Variants in GTF2A1 observed in about 807,000 individuals in gnomAD.
GTF2A1 encodes the protein transcription initiation factor IIA subunit 1.
Under a neutral mutation model 54.1 loss-of-function variants are expected in GTF2A1, and 12 were observed. The ratio of observed to expected loss-of-function variants is 0.22; its 90% CI spans 0.14 to 0.36. The LOEUF is 0.36. Ranked by LOEUF, GTF2A1 falls within the 10% of genes least tolerant of loss-of-function variation. GTF2A1 has a pLI of 1.00. For synonymous variants in GTF2A1, 145 were observed against 152.0 expected, an observed-to-expected ratio of 0.95 and a Z score of 0.34; for missense variants, 335 against 442.2, an observed-to-expected ratio of 0.76 and a Z score of 2.17.
intron 7 of GTF2A1, among the ~76,000 whole-genome samples, chr14:81,185,872 T>C (rs113463882): frequency 1.3e-5 from 2 of 152,260 alleles, no homozygotes; most frequent in African/African-American, 4.8e-5. Flanking sequence ...ATTTTCTTCT[T>C]TCTTTTTTTG....
At chr14:81,200,373 TAACACTTCAGGAGGCCG>T (rs1163901958) in intron 4 of GTF2A1, among the ~76,000 whole-genome samples, 1 of 152,062 alleles carries the variant, frequency 6.6e-6, no homozygotes, top group Non-Finnish European at 1.5e-5. Flanking sequence ...CCTGTAATCC[TAACACTTCAGGAGGCCG>T]AGGTGGGCAG....
At chr14:81,181,287 C>T (rs1892632626) in intron 8 of GTF2A1, among the ~76,000 whole-genome samples, 2 of 151,464 alleles carry the variant, frequency 1.3e-5, no homozygotes, top group Admixed American at 6.6e-5. Flanking sequence ...TCAAGTTCCA[C>T]ATCTTCTGCA....
At chr14:81,191,377 T>A (rs1010930928) in intron 7 of GTF2A1, among the ~76,000 whole-genome samples, 4 of 152,214 alleles carry the variant, frequency 2.6e-5, no homozygotes, top group African/African-American at 9.6e-5. Flanking sequence ...TACAATATTT[T>A]ATAACTGTTT....
intron 2 of GTF2A1, chr14:81,210,014 G>T: frequency 6.7e-6 from 4 of 597,856 alleles, no homozygotes; most frequent in Non-Finnish European, 8.0e-6. Flanking sequence ...TGACATTTTC[G>T]GCAGGACAAT....
chr14:81,207,139 G>GTACCTACCTACCTACC (rs58629753), intron 2 of GTF2A1, among the ~76,000 whole-genome samples: 74 of 147,894 alleles, frequency 5.0e-4, no homozygotes, highest in African/African-American at 9.5e-4. Context: ...ACCTACCTAC[G>GTACCTACCTACCTACC]TACCTACCTA....
chr14:81,195,983 GA>G (rs1595216306), intron 6 of GTF2A1, 124 bp downstream of exon 6: 2 of 778,030 alleles, frequency 2.6e-6, no homozygotes, highest in African/African-American at 3.5e-5. Flanking sequence ...GGAGAAATTT[GA>G]AACAACTGGG....
chr14:81,188,347 C>T (rs1269701691), intron 7 of GTF2A1, among the ~76,000 whole-genome samples: 7 of 152,042 alleles, frequency 4.6e-5, no homozygotes, highest in Non-Finnish European at 1.0e-4. Context: ...ACGATCATGC[C>T]ACTGCACTCC....
intron 7 of GTF2A1, among the ~76,000 whole-genome samples, chr14:81,191,151 T>C (rs1327287165): frequency 6.6e-6 from 1 of 152,132 alleles, no homozygotes; most frequent in Non-Finnish European, 1.5e-5. Flanking sequence ...AATAATACTA[T>C]TTTCTACCTA....
rs148530628 is a variant in GTF2A1 at position 81,192,704 on chromosome 14, T to C, written c.748A>G (p.Ile250Val). Reference sequence around the variant, plus strand: ...GGTTGCTGCTGGCCAGTTGCAGTTATCTGTGCTTGGGCTGGTGTAGGTGCT... The same window carrying C: ...GGTTGCTGCTGGCCAGTTGCAGTTACCTGTGCTTGGGCTGGTGTAGGTGCT... Reference protein sequence around the residue: ...VAAPTPAQAQITATGQQQPQA... With the variant: ...VAAPTPAQAQVTATGQQQPQA... The change falls in exon 7 of 9, where the codon ATA becomes GTA. Residue 250 changes from isoleucine to valine, a missense_variant. Transcript: ENST00000553612. The C allele has an allele frequency of 1.1e-5, 17 of 1,614,220 alleles. No individual in the cohort carries two copies. Among genetic ancestry groups the C allele is most frequent in the Non-Finnish European group, 1.4e-5 (17 of 1,180,024 alleles).
In GTF2A1 at chr14:81,189,209, T is replaced by A. The variant is rs572042594; in HGVS notation, c.933+3310A>T. Among the ~76,000 whole-genome samples, 4 of 152,256 alleles carry A rather than the reference T, an allele frequency of 2.6e-5. No homozygotes were observed. The South Asian group carries it at 8.3e-4, about 32-fold the overall frequency. On this transcript the variant is annotated intron_variant, in intron 7 of 8. Coordinates refer to ENST00000553612, the MANE Select transcript of GTF2A1 (RefSeq NM_015859.4). ...AATTTACTAGCAATAACTTAAGACA[T>A]TGTATGATCATAAATGGTTCAACTC...
chr14:81,177,631 C>T lies in GTF2A1; in HGVS notation c.*2592G>A, dbSNP rs768177881. 4.6e-5 allele frequency: 7 copies of T among 152,068 alleles called. No individual in the cohort carries two copies. The highest frequency in any genetic ancestry group is 1.3e-4 in the Admixed American group (2 of 15,266). 9.4% of individuals were successfully genotyped at this position (152,068 alleles called of 1,614,324 possible). A position where few individuals can be genotyped will look rare whatever the true frequency, so the allele number is the denominator to read the frequency against. On this transcript the variant is annotated 3_prime_UTR_variant, in exon 9 of 9. Coordinates refer to ENST00000553612, the MANE Select transcript of GTF2A1 (RefSeq NM_015859.4). ...TTACTTATTTTCATAATACCAAGTC[C>T]GAACTATTTTCTGCCTTTAGATAAA...
At chr14:81,217,433 T>C (rs941540090) in intron 1 of GTF2A1, among the ~76,000 whole-genome samples, 1 of 152,220 alleles carries the variant, frequency 6.6e-6, no homozygotes, top group African/African-American at 2.4e-5. Flanking sequence ...AGAGCTGCCT[T>C]GACAAAACTA....
rs1279377157 is a variant in GTF2A1, at chr14:81,179,767, A to T, written c.*456T>A. ...TACAAGTGAATTAAAATTCAACACAATTCTTACCCTTTTGTAAAAAGCTCA... is the reference window on the plus strand; with the variant it reads ...TACAAGTGAATTAAAATTCAACACATTTCTTACCCTTTTGTAAAAAGCTCA... On this transcript the variant is annotated 3_prime_UTR_variant, in exon 9 of 9. Coordinates refer to ENST00000553612, the MANE Select transcript of GTF2A1 (RefSeq NM_015859.4). 3 of 152,296 alleles carry T rather than the reference A, an allele frequency of 2.0e-5. No homozygotes were observed. The highest frequency in any genetic ancestry group is 7.2e-5 in the African/African-American group (3 of 41,454). 9.4% of individuals were successfully genotyped at this position (152,296 alleles called of 1,614,324 possible).
rs959962904 is a variant in GTF2A1 at position 81,177,096 on chromosome 14, T to C, written c.*3127A>G. On this transcript the variant is annotated 3_prime_UTR_variant, in exon 9 of 9. Coordinates refer to ENST00000553612, the MANE Select transcript of GTF2A1 (RefSeq NM_015859.4). ...ACTTTCATTATAGCAAAAGAAAATATTCATATAAAAGCTATATGTTATTTC... is the reference window on the plus strand; with the variant it reads ...ACTTTCATTATAGCAAAAGAAAATACTCATATAAAAGCTATATGTTATTTC... 7 of 152,060 alleles carry C rather than the reference T, an allele frequency of 4.6e-5. No individual in the cohort carries two copies. The highest frequency in any genetic ancestry group is 8.8e-5 in the Non-Finnish European group (6 of 67,934). 9.4% of individuals were successfully genotyped at this position (152,060 alleles called of 1,614,324 possible). A position where few individuals can be genotyped will look rare whatever the true frequency, so the allele number is the denominator to read the frequency against.
chr14:81,204,122 AAAG>A lies in GTF2A1; in HGVS notation c.133-21_133-19del, dbSNP rs1893177226. ...TCCCATAACTAAGGCAAAGAACATTAAAGATTTCTAAGTGAAAAATAACTCTGG... is the reference window on the plus strand; with the variant it reads ...TCCCATAACTAAGGCAAAGAACATTAATTTCTAAGTGAAAAATAACTCTGG... On this transcript the variant is annotated intron_variant, in intron 2 of 8. Transcript: ENST00000553612. 1 of 1,518,226 alleles carries A rather than the reference AAAG, an allele frequency of 6.6e-7. No homozygotes were observed. Among genetic ancestry groups the A allele is most frequent in the Non-Finnish European group, 9.2e-7 (1 of 1,092,816 alleles). 94.0% of individuals were successfully genotyped at this position (1,518,226 alleles called of 1,614,324 possible).
At chr14:81,211,007 C>A (rs1893352472) in intron 2 of GTF2A1, among the ~76,000 whole-genome samples, 1 of 152,188 alleles carries the variant, frequency 6.6e-6, no homozygotes, top group Admixed American at 6.5e-5. Context: ...CTAAAACTTA[C>A]TAAATTCTGT....
rs757044041 is a variant in GTF2A1, at chr14:81,211,875, T to TTATATATATATATATATATATA, written c.132+4516_132+4537dup. 6.9e-3 allele frequency among the ~76,000 whole-genome samples: 472 copies of TTATATATATATATATATATATA among 68,054 alleles called. 14 individuals carry two copies. The highest frequency in any genetic ancestry group is 8.8e-3 in the Non-Finnish European group (269 of 30,442). The allele number at this position is 68,054 out of a possible 152,430, so 44.6% of individuals were successfully genotyped here. A position where few individuals can be genotyped will look rare whatever the true frequency, so the allele number is the denominator to read the frequency against. The stretch of plus-strand genomic sequence containing the variant: ...ACATAATTAGAGTGTATCAAGTACT[T>TTATATATATATATATATATATA]TATATATATATATATATATATATAT... On this transcript the variant is annotated intron_variant, in intron 2 of 8. Transcript: ENST00000553612.
At position 81,192,173 on chromosome 14, in the gene GTF2A1, T is replaced by C. The variant is rs188930421; in HGVS notation, c.933+346A>G. Among the ~76,000 whole-genome samples the C allele has an allele frequency of 1.2e-4, 18 of 152,230 alleles. 1 individual carries two copies. Among genetic ancestry groups the C allele is most frequent in the Admixed American group, 1.1e-3 (17 of 15,286 alleles). On this transcript the variant is annotated intron_variant, in intron 7 of 8. Coordinates refer to ENST00000553612, the MANE Select transcript of GTF2A1 (RefSeq NM_015859.4). ...CTTTTTAAATTACTGAAGCAAAAGATTAACCACATCTATTTATCTACCAAT... is the reference window on the plus strand; with the variant it reads ...CTTTTTAAATTACTGAAGCAAAAGACTAACCACATCTATTTATCTACCAAT...
At chr14:81,195,549 A>G (rs1595215937) in intron 6 of GTF2A1, among the ~76,000 whole-genome samples, 1 of 148,890 alleles carries the variant, frequency 6.7e-6, no homozygotes, top group Non-Finnish European at 1.5e-5. Context: ...GGAGAATGGC[A>G]TGAACCCAGC....
Sources: allele counts gnomAD v4.1 joint callset (sites outside exome capture counted in the v4.1 genomes callset), GRCh38; gene constraint gnomAD v4.1.1; transcripts MANE v1.5; gene names NCBI Gene and HGNC (gene_info 2026-07-23, HGNC 2026-07-21).